The following GNA14 variants were observed in gnomAD, a reference collection of about 807,000 sequenced individuals.
The protein encoded by GNA14 is G protein subunit alpha 14, also known as guanine nucleotide-binding protein subunit alpha-14.
Under a neutral mutation model 42.0 loss-of-function variants are expected in GNA14, and 50 were observed. The observed-to-expected ratio is 1.19, with a 90% CI of 0.95 to 1.51. The LOEUF (loss-of-function observed/expected upper bound fraction) is 1.51. GNA14 is among the 40% of genes most tolerant of loss of function. The pLI, the probability that GNA14 is intolerant of heterozygous loss-of-function variation, is 0.00. For missense variants in GNA14, 473 were observed against 446.2 expected (o/e 1.06, Z -0.54); for synonymous variants, 173 against 163.1 (o/e 1.06, Z -0.46).
At chr9:77,582,613 G>C (rs1823242585) in intron 1 of GNA14, among the ~76,000 whole-genome samples, 1 of 152,062 alleles carries the variant, frequency 6.6e-6, no homozygotes, top group Non-Finnish European at 1.5e-5. Flanking sequence ...AAATATTTCT[G>C]AACTTTTCAA....
intron 2 of GNA14, among the ~76,000 whole-genome samples, chr9:77,492,478 G>T (rs143366768): frequency 6.6e-6 from 1 of 151,984 alleles, no homozygotes; most frequent in Non-Finnish European, 1.5e-5. Flanking sequence ...CAAAAAAGGA[G>T]ACGTAACAAC....
chr9:77,600,519 A>G (rs1823540482), intron 1 of GNA14, among the ~76,000 whole-genome samples: 1 of 152,116 alleles, frequency 6.6e-6, no homozygotes, highest in African/African-American at 2.4e-5. Flanking sequence ...CAAACTCTCT[A>G]ATGTGTGTCA....
chr9:77,572,590 C>T (rs1391022704), intron 1 of GNA14, among the ~76,000 whole-genome samples: 7 of 151,372 alleles, frequency 4.6e-5, no homozygotes, highest in Non-Finnish European at 1.0e-4. Flanking sequence ...TTATGTCAGA[C>T]TCACAATCTG....
At chr9:77,585,404 G>A (rs890101458) in intron 1 of GNA14, among the ~76,000 whole-genome samples, 9 of 152,040 alleles carry the variant, frequency 5.9e-5, no homozygotes, top group Non-Finnish European at 1.2e-4. Context: ...TCTCCCTCTC[G>A]GTACCAGGAA....
chr9:77,505,935 T>C (rs1261838690), intron 2 of GNA14, among the ~76,000 whole-genome samples: 8 of 152,110 alleles, frequency 5.3e-5, no homozygotes, highest in Non-Finnish European at 1.0e-4. Context: ...GAGCCACTTA[T>C]GAAATTTAAA....
At chr9:77,456,685 CT>C (rs1836005521) in intron 2 of GNA14, among the ~76,000 whole-genome samples, 1 of 152,142 alleles carries the variant, frequency 6.6e-6, no homozygotes, top group African/African-American at 2.4e-5. Context: ...GTATGAAAAA[CT>C]AGAGTTGATA....
At chr9:77,556,011 G>A (rs1036360771) in intron 1 of GNA14, among the ~76,000 whole-genome samples, 11 of 152,142 alleles carry the variant, frequency 7.2e-5, no homozygotes, top group African/African-American at 1.4e-4. Flanking sequence ...TTGGGAGGCC[G>A]AGGTGGGCAG....
chr9:77,536,861 TG>T (rs1206971713), intron 1 of GNA14, among the ~76,000 whole-genome samples: 1 of 152,226 alleles, frequency 6.6e-6, no homozygotes, highest in Non-Finnish European at 1.5e-5. Context: ...AGAGAATTTT[TG>T]AATAATTATT....
chr9:77,466,139 A>G (rs557246181), intron 2 of GNA14, among the ~76,000 whole-genome samples: 1 of 152,236 alleles, frequency 6.6e-6, no homozygotes, highest in Non-Finnish European at 1.5e-5. Context: ...AGGTCCTTGG[A>G]TGCTTCGATT....
At chr9:77,541,272 A>AT (rs756333916) in intron 1 of GNA14, among the ~76,000 whole-genome samples, 1 of 151,786 alleles carries the variant, frequency 6.6e-6, no homozygotes, top group African/African-American at 2.4e-5. Context: ...GAAATACTTT[A>AT]TTTTTTCTTT....
chr9:77,550,368 C>T (rs959960618), intron 1 of GNA14, among the ~76,000 whole-genome samples: 3 of 152,196 alleles, frequency 2.0e-5, no homozygotes, highest in African/African-American at 7.2e-5. Context: ...CCTTCACCTT[C>T]ACCCAGAGTT....
Position 77,623,216 on chromosome 9 carries a change from C to CA in GNA14, c.124+24453dup, listed in dbSNP as rs34368561. On this transcript the variant is annotated intron_variant, in intron 1 of 6. Coordinates refer to ENST00000341700, the MANE Select transcript of GNA14 (RefSeq NM_004297.4). Reference sequence around the variant, plus strand: ...TGGGCAAAAGAGTGAGACGCTGTCTCAAAAAAAAAAAAAAAAAAAAAAAAA... The same window carrying CA: ...TGGGCAAAAGAGTGAGACGCTGTCTCAAAAAAAAAAAAAAAAAAAAAAAAAA... 8.5e-3 allele frequency among the ~76,000 whole-genome samples: 228 copies of CA among 26,836 alleles called. 53 individuals carry two copies. The highest frequency in any genetic ancestry group is 0.023 in the Non-Finnish European group (180 of 7,778). 17.6% of individuals were successfully genotyped at this position (26,836 alleles called of 152,430 possible).
intron 1 of GNA14, among the ~76,000 whole-genome samples, chr9:77,623,132 C>A (rs545647524): frequency 2.2e-5 from 3 of 137,788 alleles, no homozygotes; most frequent in Non-Finnish European, 3.1e-5. Context: ...AGAAGAATTG[C>A]TTGAACCCGG....
intron 2 of GNA14, among the ~76,000 whole-genome samples, chr9:77,522,128 GCTATTTTT>G (rs1837367390): frequency 6.6e-6 from 1 of 152,056 alleles, no homozygotes; most frequent in Non-Finnish European, 1.5e-5. Context: ...TGGCCCATAT[GCTATTTTT>G]ATTATAAACA....
chr9:77,501,928 C>T (rs1387762818), intron 2 of GNA14, among the ~76,000 whole-genome samples: 5 of 151,750 alleles, frequency 3.3e-5, no homozygotes, highest in African/African-American at 1.2e-4. Context: ...CCAGGATGGT[C>T]GATCTCTTGA....
At chr9:77,582,226 A>C (rs1287541420) in intron 1 of GNA14, among the ~76,000 whole-genome samples, 1 of 152,156 alleles carries the variant, frequency 6.6e-6, no homozygotes, top group African/African-American at 2.4e-5. Flanking sequence ...AGAAAACCCC[A>C]AAGGAACTGC....
At position 77,506,322 on chromosome 9, in the gene GNA14, T is replaced by C. The variant is rs1011613105; in HGVS notation, c.309+22747A>G. Among the ~76,000 whole-genome samples the C allele has an allele frequency of 3.3e-5, 5 of 149,578 alleles. No individual in the cohort carries two copies. The Admixed American group carries it at 3.3e-4, about 10-fold the overall frequency. ...AAAAGAAATGAGAAACTAATTTTAATAAAATATTTTAAGTCAATAGATCCA... is the reference window on the plus strand; with the variant it reads ...AAAAGAAATGAGAAACTAATTTTAACAAAATATTTTAAGTCAATAGATCCA... On this transcript the variant is annotated intron_variant, in intron 2 of 6. Transcript: ENST00000341700.
Position 77,647,883 on chromosome 9 carries a change from G to A in GNA14, c.-90C>T, listed in dbSNP as rs2118053741. ...CGCTCACCCGGCCAGCATGCGACGG[G>A]CACAGGGGTGTGGAAAGAAAAGACG... On this transcript the variant is annotated 5_prime_UTR_variant, in exon 1 of 7. Coordinates refer to ENST00000341700, the MANE Select transcript of GNA14 (RefSeq NM_004297.4). 5 of 1,457,176 alleles carry A rather than the reference G, an allele frequency of 3.4e-6. No individual in the cohort carries two copies. The South Asian group carries it at 6.2e-5, about 18-fold the overall frequency. The allele number at this position is 1,457,176 out of a possible 1,614,324, so 90.3% of individuals were successfully genotyped here. A position where few individuals can be genotyped will look rare whatever the true frequency, so the allele number is the denominator to read the frequency against.
intron 1 of GNA14, among the ~76,000 whole-genome samples, chr9:77,636,195 G>A (rs944327552): frequency 6.6e-6 from 1 of 152,074 alleles, no homozygotes. Flanking sequence ...CAAATATTCT[G>A]GGATGGGTTA....
Sources: allele counts gnomAD v4.1 joint callset (sites outside exome capture counted in the v4.1 genomes callset), GRCh38; gene constraint gnomAD v4.1.1; transcripts MANE v1.5; gene names NCBI Gene and HGNC (gene_info 2026-07-23, HGNC 2026-07-21).